The following ABCC9 variants were observed in gnomAD, a reference collection of about 807,000 sequenced individuals.
ABCC9 encodes the protein ATP binding cassette subfamily C member 9.
Under a neutral mutation model 188.3 loss-of-function variants are expected in ABCC9, and 95 were observed. The observed-to-expected ratio is 0.50, with a 90% CI of 0.43 to 0.60. ABCC9 has a LOEUF of 0.60. Among genes scored for constraint, ABCC9 ranks in the 20% least tolerant of loss-of-function variants. The pLI is 0.00. For synonymous variants in ABCC9, 659 were observed against 652.7 expected (o/e 1.01, Z -0.15); for missense variants, 1,102 against 1,876.3 (o/e 0.59, Z 7.62).
intron 14 of ABCC9, among the ~76,000 whole-genome samples, 193 bp from the exon 15 acceptor site, chr12:21,888,127 G>A (rs1180913715): frequency 6.6e-6 from 1 of 151,872 alleles, no homozygotes; most frequent in Non-Finnish European, 1.5e-5. Flanking sequence ...GGGGTTTCCA[G>A]GACATGGGAC....
chr12:21,857,847 C>G (rs764108308), intron 22 of ABCC9, among the ~76,000 whole-genome samples: 1 of 152,068 alleles, frequency 6.6e-6, no homozygotes, highest in Non-Finnish European at 1.5e-5. Flanking sequence ...TGATGGACTT[C>G]TAATCTATAG....
At chr12:21,863,895 G>A (rs117030836) in intron 19 of ABCC9, among the ~76,000 whole-genome samples, 103 of 152,198 alleles carry the variant, frequency 6.8e-4, no homozygotes, top group Non-Finnish European at 9.7e-4. Context: ...AAAACATTAC[G>A]TCTTAGGAGT....
chr12:21,833,342 G>A (rs1943882587), intron 30 of ABCC9, among the ~76,000 whole-genome samples: 1 of 151,796 alleles, frequency 6.6e-6, no homozygotes. Flanking sequence ...GATCCTGCAG[G>A]TACTTCCAGA....
chr12:21,829,414 G>A (rs1251180870), intron 30 of ABCC9, among the ~76,000 whole-genome samples: 1 of 151,874 alleles, frequency 6.6e-6, no homozygotes, highest in Non-Finnish European at 1.5e-5. Flanking sequence ...TGTTAGCCAG[G>A]ATGGTCTCGA....
At chr12:21,818,515 G>GAT (rs1221408565) in intron 31 of ABCC9, among the ~76,000 whole-genome samples, 49 of 126,462 alleles carry the variant, frequency 3.9e-4, no homozygotes, top group East Asian at 8.8e-4. Flanking sequence ...TAACTATATA[G>GAT]ATATATATAT....
intron 22 of ABCC9, 128 bp from the exon 23 acceptor site, chr12:21,852,633 A>G (rs1230720146): frequency 1.7e-6 from 2 of 1,173,442 alleles, no homozygotes; most frequent in Non-Finnish European, 2.4e-6. Context: ...ATTTAAAAAA[A>G]GGATAAAGAA....
rs1475546623 is a variant in ABCC9, at chr12:21,829,052, G to T, written c.3575C>A (p.Thr1192Asn). ...LTTIRAFRHETRFKQRMLELT... is the reference protein window; with the variant it reads ...LTTIRAFRHENRFKQRMLELT... ...TTCCAGCATACGTTGTTTAAATCTG[G>T]TTTCATGCCTGCAGAAAACAAAAAC... Residue 1192 changes from threonine (T) to asparagine (N), a missense_variant, in exon 31 of 40, where the codon ACC becomes AAC. Around this residue, in one of 12 missense-constraint regions of ABCC9, gnomAD observed 143 missense variants for 225.6 expected, o/e 0.63. Coordinates refer to ENST00000261200, the MANE Select transcript of ABCC9 (RefSeq NM_020297.4). 1.4e-5 allele frequency: 23 copies of T among 1,613,574 alleles called. No individual in the cohort carries two copies. Among genetic ancestry groups the T allele is most frequent in the Non-Finnish European group, 1.9e-5 (22 of 1,179,786 alleles).
rs942640537 is a variant in ABCC9, at chr12:21,926,214, G to A, written c.285-151C>T. On this transcript the variant is annotated intron_variant, in intron 4 of 39. Coordinates refer to ENST00000261200, the MANE Select transcript of ABCC9 (RefSeq NM_020297.4). ...GTTTCCAAGATAATACATAAGGGAA[G>A]AATATATTGAAAGACATCGTTCTGC... 18 of 1,115,232 alleles carry A rather than the reference G, an allele frequency of 1.6e-5. No homozygotes were observed. In the Admixed American group the frequency reaches 3.5e-4, roughly 22 times the overall value. 69.1% of individuals were successfully genotyped at this position (1,115,232 alleles called of 1,614,324 possible). A position where few individuals can be genotyped will look rare whatever the true frequency, so the allele number is the denominator to read the frequency against.
At chr12:21,861,277 C>G (rs1945495454) in intron 20 of ABCC9, among the ~76,000 whole-genome samples, 1 of 149,028 alleles carries the variant, frequency 6.7e-6, no homozygotes, top group South Asian at 2.1e-4. Flanking sequence ...GTCACCCAAG[C>G]TGGAGTTCAG....
chr12:21,812,142 T>A lies in ABCC9; in HGVS notation c.4118A>T (p.Asp1373Val). The A allele has an allele frequency of 6.2e-7, 1 of 1,609,802 alleles. No homozygotes were observed. Among genetic ancestry groups the A allele is most frequent in the Non-Finnish European group, 8.5e-7 (1 of 1,176,250 alleles). The change falls in exon 36 of 40, where the codon GAT becomes GTT. Residue 1373 changes from aspartate (D) to valine (V), a missense_variant. This residue lies in a region of ABCC9 where 67 missense variants were observed against 101.0 expected (regional missense o/e 0.66). Coordinates refer to ENST00000261200, the MANE Select transcript of ABCC9 (RefSeq NM_020297.4). ...TGGTAATTTGGAAATGTCTATCCCA[T>A]CAATGACAATTTTTCCTGTTAAGGA... ...VDIFDGKIVI[D>V]GIDISKLPLH...
intron 14 of ABCC9, 52 bp from the exon 15 acceptor site, chr12:21,887,986 A>C: frequency 7.6e-7 from 1 of 1,314,114 alleles, no homozygotes; most frequent in Non-Finnish European, 1.1e-6. Context: ...ACCACCACCA[A>C]CAAAGTGCTA....
intron 14 of ABCC9, among the ~76,000 whole-genome samples, chr12:21,888,347 G>A (rs908596774): frequency 3.9e-5 from 6 of 152,088 alleles, no homozygotes; most frequent in Non-Finnish European, 8.8e-5. Context: ...GGGAGGTGAC[G>A]TACAGAGAAA....
At chr12:21,918,184 T>C (rs559540436) in intron 5 of ABCC9, among the ~76,000 whole-genome samples, 1 of 152,212 alleles carries the variant, frequency 6.6e-6, no homozygotes, top group African/African-American at 2.4e-5. Context: ...CAAAGCCGAC[T>C]TCAAGACAAT....
In ABCC9 at chr12:21,853,912, T is replaced by G. The variant is rs704186; in HGVS notation, c.2506-1407A>C. ...TCAGGTAAAAACTGGGAAGAGTTAA[T>G]GGAACAGTGGGAAAAAAAGTTTATA... On this transcript the variant is annotated intron_variant, in intron 22 of 39. Transcript: ENST00000261200. 2.0e-5 allele frequency among the ~76,000 whole-genome samples: 3 copies of G among 152,152 alleles called. No homozygotes were observed. In the East Asian group the frequency reaches 5.8e-4, roughly 29 times the overall value.
In ABCC9 at chr12:21,908,060, CA is replaced by C; in HGVS notation, c.1455+16del. Reference sequence around the variant, plus strand: ...TTTCTCATTTTTGTAATTAAGTTTCCAAAAGATGTTACTTACAAGTGTACTT... The same window carrying C: ...TTTCTCATTTTTGTAATTAAGTTTCCAAAGATGTTACTTACAAGTGTACTT... On this transcript the variant is annotated intron_variant, in intron 11 of 39. Transcript: ENST00000261200. 6.2e-7 allele frequency: 1 copy of C among 1,610,886 alleles called. No homozygotes were observed. The highest frequency in any genetic ancestry group is 8.5e-7 in the Non-Finnish European group (1 of 1,178,016).
At chr12:21,915,302 A>G (rs1337802811) in intron 7 of ABCC9, among the ~76,000 whole-genome samples, 8 of 63,692 alleles carry the variant, frequency 1.3e-4, no homozygotes, top group East Asian at 3.3e-4. Flanking sequence ...ATACATGTGT[A>G]TATATATATA....
intron 28 of ABCC9, 40 bp downstream of exon 28, chr12:21,844,443 G>A (rs1296217671): frequency 1.3e-6 from 2 of 1,506,082 alleles, no homozygotes; most frequent in Admixed American, 1.7e-5. Flanking sequence ...CTTACATTGT[G>A]AAACTAATTT....
At position 21,905,073 on chromosome 12, in the gene ABCC9, A is replaced by G. The variant is rs1471463471; in HGVS notation, c.1618+1053T>C. On this transcript the variant is annotated intron_variant, in intron 12 of 39. Coordinates refer to ENST00000261200, the MANE Select transcript of ABCC9 (RefSeq NM_020297.4). ...ACTGGATTAAGAAAATGTGGCACAT[A>G]TATACCATGGAATACTATGCAGCCA... 2.6e-5 allele frequency among the ~76,000 whole-genome samples: 4 copies of G among 152,236 alleles called. No individual in the cohort carries two copies. The East Asian group carries it at 7.7e-4, about 29-fold the overall frequency.
chr12:21,821,498 T>A (rs1943035684), intron 31 of ABCC9, among the ~76,000 whole-genome samples: 1 of 152,010 alleles, frequency 6.6e-6, no homozygotes, highest in Non-Finnish European at 1.5e-5. Flanking sequence ...AAAGAACAGA[T>A]TTGGACAAAA....
Sources: gnomAD v4.1 joint callset for allele counts (sites outside exome capture counted in the v4.1 genomes callset) on GRCh38, gnomAD v4.1.1 for gene constraint, gnomAD v4.1.1 regional missense constraint, MANE v1.5 for transcripts, NCBI Gene and HGNC (gene_info 2026-07-23, HGNC 2026-07-21) for gene names.